The following SLC35D4 variants were observed in gnomAD, a reference collection of about 807,000 sequenced individuals.
SLC35D4 encodes the protein solute carrier family 35 member D4, also known as UDP-N-acetylglucosamine transporter SLC35D4.
At chr18:23,331,562 G>A in the SLC35D4 span, 1 of 152,384 alleles carries the variant, frequency 6.6e-6, no homozygotes, top group Non-Finnish European at 1.5e-5. Context: ...ATCCACATCC[G>A]ATTTTTAAAA....
chr18:23,367,640 T>C, the SLC35D4 span, among the ~76,000 whole-genome samples: 27 of 152,324 alleles, frequency 1.8e-4, no homozygotes, highest in African/African-American at 6.3e-4. Context: ...CTTGGATCCC[T>C]AGCAGTGCCA....
At chr18:23,382,217 G>C in the SLC35D4 span, among the ~76,000 whole-genome samples, 1 of 144,218 alleles carries the variant, frequency 6.9e-6, no homozygotes, top group African/African-American at 2.6e-5. Context: ...TCCAGCCCAG[G>C]TGACAGTGTG....
At chr18:23,264,817 G>A in the SLC35D4 span, among the ~76,000 whole-genome samples, 2 of 151,842 alleles carry the variant, frequency 1.3e-5, no homozygotes, top group Non-Finnish European at 2.9e-5. Context: ...GCTGATTTTT[G>A]TATTTTTTGT....
chr18:23,351,232 C>T, the SLC35D4 span, among the ~76,000 whole-genome samples: 1 of 152,058 alleles, frequency 6.6e-6, no homozygotes, highest in Non-Finnish European at 1.5e-5. Flanking sequence ...CATGGTCAAA[C>T]TCCATCTTTA....
chr18:23,413,449 G>A, the SLC35D4 span, among the ~76,000 whole-genome samples: 1 of 152,144 alleles, frequency 6.6e-6, no homozygotes, highest in Non-Finnish European at 1.5e-5. Context: ...GTCAGGTTTT[G>A]ACCCTGCCGC....
At chr18:23,365,576 C>A in the SLC35D4 span, 1 of 1,587,876 alleles carries the variant, frequency 6.3e-7, no homozygotes, top group Non-Finnish European at 8.6e-7. Flanking sequence ...GACAGGCTCA[C>A]TGGGTCCAAT....
At chr18:23,258,272 T>C in the SLC35D4 span, 1 of 152,648 alleles carries the variant, frequency 6.6e-6, no homozygotes, top group Admixed American at 6.5e-5. Context: ...TGTATTCCTG[T>C]CCTCTATGTT....
At chr18:23,381,689 T>C in the SLC35D4 span, among the ~76,000 whole-genome samples, 23 of 152,332 alleles carry the variant, frequency 1.5e-4, no homozygotes, top group South Asian at 4.1e-4. Context: ...CAAACACTTA[T>C]GGTGTTCATT....
the SLC35D4 span, among the ~76,000 whole-genome samples, chr18:23,243,646 G>T: frequency 6.2e-3 from 938 of 152,020 alleles, 11 homozygotes; most frequent in African/African-American, 0.021. Flanking sequence ...GCCAAGGCGG[G>T]TGGATCACCT....
the SLC35D4 span, among the ~76,000 whole-genome samples, chr18:23,422,826 T>A: frequency 4.0e-5 from 6 of 150,238 alleles, no homozygotes; most frequent in South Asian, 4.3e-4. Flanking sequence ...CCCCCCCCAA[T>A]GCAGAAAGCA....
chr18:23,395,508 T>C, the SLC35D4 span, among the ~76,000 whole-genome samples: 3 of 152,230 alleles, frequency 2.0e-5, no homozygotes, highest in Non-Finnish European at 4.4e-5. Flanking sequence ...ATTCCTGTCC[T>C]GTCAAGGTGC....
chr18:23,317,741 C>T, the SLC35D4 span, among the ~76,000 whole-genome samples: 1 of 151,620 alleles, frequency 6.6e-6, no homozygotes, highest in Non-Finnish European at 1.5e-5. Flanking sequence ...TTATATGTTT[C>T]ATTTCTTTTT....
At chr18:23,238,973 C>T in the SLC35D4 span, among the ~76,000 whole-genome samples, 5 of 152,186 alleles carry the variant, frequency 3.3e-5, no homozygotes, top group East Asian at 7.7e-4. Context: ...TACACTATTT[C>T]GATGTTGGCG....
chr18:23,406,522 G>A, the SLC35D4 span, among the ~76,000 whole-genome samples: 1 of 152,120 alleles, frequency 6.6e-6, no homozygotes, highest in Non-Finnish European at 1.5e-5. Flanking sequence ...GACTAAAAAA[G>A]AAAAACCAAA....
At chr18:23,298,787 G>T in the SLC35D4 span, among the ~76,000 whole-genome samples, 2 of 152,198 alleles carry the variant, frequency 1.3e-5, no homozygotes, top group Non-Finnish European at 2.9e-5. Context: ...GACTATGGTG[G>T]TAGGTCTCTG....
At chr18:23,334,352 C>T in the SLC35D4 span, among the ~76,000 whole-genome samples, 4 of 152,208 alleles carry the variant, frequency 2.6e-5, no homozygotes, top group African/African-American at 4.8e-5. Flanking sequence ...AGAGCTCACA[C>T]AAGAAGACTG....
At chr18:23,430,576 G>T in the SLC35D4 span, 1 of 1,410,822 alleles carries the variant, frequency 7.1e-7, no homozygotes. Context: ...TTCAAAGAAT[G>T]ATGGTGGTTG....
At chr18:23,309,541 G>C in the SLC35D4 span, 1 of 668,958 alleles carries the variant, frequency 1.5e-6, no homozygotes, top group Middle Eastern at 3.5e-4. Context: ...AGAAAGCTTC[G>C]CTAATATGAG....
the SLC35D4 span, among the ~76,000 whole-genome samples, chr18:23,346,162 G>A: frequency 1.3e-5 from 2 of 152,072 alleles, no homozygotes; most frequent in South Asian, 2.1e-4. Flanking sequence ...AAGAGACAAA[G>A]TCTTGCTCTG....
Sources: gnomAD v4.1 joint callset for allele counts (sites outside exome capture counted in the v4.1 genomes callset) on GRCh38, gnomAD v4.1.1 for gene constraint, MANE v1.5 for transcripts, NCBI Gene and HGNC (gene_info 2026-07-23, HGNC 2026-07-21) for gene names.